Variants in KDM4C observed in about 807,000 individuals in gnomAD.
KDM4C encodes lysine demethylase 4C, also known as lysine-specific demethylase 4C.
Under a neutral mutation model 129.3 loss-of-function variants are expected in KDM4C, and 81 were observed. That is an observed-to-expected ratio of 0.63 (90% CI 0.52 to 0.75). The LOEUF (loss-of-function observed/expected upper bound fraction) is 0.75. Ranked by LOEUF, KDM4C falls within the 30% of genes least tolerant of loss-of-function variation. The pLI is 0.00. For synonymous variants in KDM4C, 573 were observed against 456.1 expected, an observed-to-expected ratio of 1.26 and a Z score of -3.26; for missense variants, 1,457 against 1,304.0, an observed-to-expected ratio of 1.12 and a Z score of -1.81.
At chr9:6,998,246 C>A (rs4504693) in intron 12 of KDM4C, among the ~76,000 whole-genome samples, 38,843 of 151,894 alleles carry the variant, frequency 0.26, 5,442 homozygotes, top group South Asian at 0.49. Context: ...TTTCTTGGGA[C>A]GTCTGTATAT....
intron 11 of KDM4C, chr9:6,986,910 TTA>T: frequency 9.5e-6 from 4 of 420,840 alleles, no homozygotes; most frequent in Non-Finnish European, 1.7e-5. Flanking sequence ...CTTTTTTTTG[TTA>T]AAAAATTAAA....
At chr9:7,047,760 G>C (rs1782274224) in intron 16 of KDM4C, among the ~76,000 whole-genome samples, 2 of 151,966 alleles carry the variant, frequency 1.3e-5, no homozygotes, top group Admixed American at 6.6e-5. Context: ...AATTGAAAAT[G>C]ATTGTATATC....
intron 1 of KDM4C, among the ~76,000 whole-genome samples, chr9:6,785,830 C>G (rs1020050431): frequency 2.0e-5 from 3 of 152,222 alleles, no homozygotes; most frequent in Admixed American, 1.3e-4. Flanking sequence ...CCAGCCAAAG[C>G]AGTGTGCAGA....
At chr9:6,935,569 C>T (rs891826151) in intron 8 of KDM4C, among the ~76,000 whole-genome samples, 14 of 150,308 alleles carry the variant, frequency 9.3e-5, no homozygotes, top group Admixed American at 8.0e-4. Context: ...AGGTGCGCGC[C>T]ACCACGCCCG....
At chr9:7,054,450 A>C (rs1395744479) in intron 17 of KDM4C, among the ~76,000 whole-genome samples, 2 of 152,218 alleles carry the variant, frequency 1.3e-5, no homozygotes, top group Non-Finnish European at 2.9e-5. Flanking sequence ...ACACATTAAG[A>C]CAGAATGGCC....
chr9:6,871,034 G>C (rs769744790), intron 5 of KDM4C, among the ~76,000 whole-genome samples: 7 of 152,144 alleles, frequency 4.6e-5, no homozygotes, highest in Non-Finnish European at 1.0e-4. Flanking sequence ...CAGACGTCTG[G>C]GCAGTGGGAC....
intron 17 of KDM4C, among the ~76,000 whole-genome samples, chr9:7,055,827 A>G (rs908262634): frequency 1.1e-4 from 16 of 152,328 alleles, no homozygotes; most frequent in Non-Finnish European, 1.9e-4. Context: ...TCAGAGTTCT[A>G]TTTAGTTAAT....
At chr9:7,080,789 A>G (rs1294005296) in intron 17 of KDM4C, among the ~76,000 whole-genome samples, 1 of 152,258 alleles carries the variant, frequency 6.6e-6, no homozygotes, top group Non-Finnish European at 1.5e-5. Flanking sequence ...TAAAAACAGT[A>G]CAACCCCATA....
upstream of KDM4C, among the ~76,000 whole-genome samples, chr9:6,756,874 G>A (rs559634016): frequency 1.3e-5 from 2 of 152,300 alleles, no homozygotes; most frequent in African/African-American, 2.4e-5. Context: ...CGCGTGGTAA[G>A]CGGTGTCGAT....
chr9:6,895,350 C>G (rs947556337), intron 8 of KDM4C, among the ~76,000 whole-genome samples: 6 of 152,196 alleles, frequency 3.9e-5, no homozygotes, highest in Non-Finnish European at 7.3e-5. Flanking sequence ...TTCACTTCCT[C>G]ACAGTTGTAA....
chr9:6,817,542 G>A (rs1425302335), intron 4 of KDM4C, among the ~76,000 whole-genome samples: 1 of 151,536 alleles, frequency 6.6e-6, no homozygotes, highest in African/African-American at 2.4e-5. Context: ...TTGACAGACT[G>A]GTGTTTTAAA....
chr9:6,892,283 G>A (rs916994981), intron 7 of KDM4C, among the ~76,000 whole-genome samples: 1 of 151,958 alleles, frequency 6.6e-6, no homozygotes, highest in African/African-American at 2.4e-5. Context: ...GAAGGAGTGA[G>A]CAATAAGTTT....
chr9:7,140,500 C>G (rs550222110), intron 19 of KDM4C, among the ~76,000 whole-genome samples: 3 of 152,244 alleles, frequency 2.0e-5, no homozygotes, highest in Non-Finnish European at 4.4e-5. Flanking sequence ...GAGTTGGGGA[C>G]TCATAAAGAT....
intron 4 of KDM4C, among the ~76,000 whole-genome samples, chr9:6,820,227 G>T (rs1466663260): frequency 1.3e-5 from 2 of 152,206 alleles, no homozygotes; most frequent in African/African-American, 4.8e-5. Context: ...ACTTTCTGGA[G>T]TGGGGACGAC....
intron 17 of KDM4C, among the ~76,000 whole-genome samples, chr9:7,051,295 A>G (rs1224586881): frequency 6.6e-6 from 1 of 152,270 alleles, no homozygotes; most frequent in South Asian, 2.1e-4. Context: ...GAAAGTCTGG[A>G]TTCTTTTTCA....
At chr9:7,130,783 G>A (rs1840541564) in intron 19 of KDM4C, among the ~76,000 whole-genome samples, 1 of 151,998 alleles carries the variant, frequency 6.6e-6, no homozygotes, top group African/African-American at 2.4e-5. Flanking sequence ...TTTTGAGACA[G>A]GGCCTCATTT....
At chr9:7,102,090 C>G (rs1400541962) in intron 17 of KDM4C, among the ~76,000 whole-genome samples, 1 of 152,056 alleles carries the variant, frequency 6.6e-6, no homozygotes, top group Non-Finnish European at 1.5e-5. Context: ...TTTTATGGTT[C>G]TGTGTATTTG....
intron 19 of KDM4C, among the ~76,000 whole-genome samples, chr9:7,162,564 G>T (rs1205801083): frequency 6.6e-6 from 1 of 152,142 alleles, no homozygotes; most frequent in Non-Finnish European, 1.5e-5. Context: ...TATGTTTTTA[G>T]GATTAAACTG....
At chr9:7,164,798 G>T (rs901234048) in intron 19 of KDM4C, among the ~76,000 whole-genome samples, 8 of 152,136 alleles carry the variant, frequency 5.3e-5, no homozygotes, top group Non-Finnish European at 5.9e-5. Flanking sequence ...GTAAAATGGG[G>T]ATAATTAATA....
Sources: gnomAD v4.1 joint callset for allele counts (sites outside exome capture counted in the v4.1 genomes callset) on GRCh38, gnomAD v4.1.1 for gene constraint, MANE v1.5 for transcripts, NCBI Gene and HGNC (gene_info 2026-07-23, HGNC 2026-07-21) for gene names.